Variants in MUC5AC observed in about 807,000 individuals in gnomAD.
MUC5AC encodes mucin-5AC.
MUC5AC carries 158 observed loss-of-function variants against 169.7 expected under a neutral mutation model. That is an observed-to-expected ratio of 0.93 (90% CI 0.82 to 1.06). MUC5AC has a LOEUF of 1.06. Among genes scored for constraint, MUC5AC ranks in the 50% least tolerant of loss-of-function variants. The pLI, the probability that MUC5AC is intolerant of heterozygous loss-of-function variation, is 0.00. For missense variants in MUC5AC, 4,359 were observed against 3,089.9 expected (o/e 1.41, Z -9.74); for synonymous variants, 1,975 against 1,237.0 (o/e 1.60, Z -12.52).
At chr11:1,177,728 C>G in intron 24 of MUC5AC, 95 bp downstream of exon 24, 1 of 397,204 alleles carries the variant, frequency 2.5e-6, no homozygotes, top group East Asian at 3.6e-5. Context: ...CACAGAGACA[C>G]AGAGAGAAAC....
chr11:1,186,729 T>G lies in MUC5AC; in HGVS notation c.8584T>G (p.Ser2862Ala). 2 of 729,558 alleles carry G rather than the reference T, an allele frequency of 2.7e-6. No individual in the cohort carries two copies. The highest frequency in any genetic ancestry group is 3.7e-5 in the Admixed American group (2 of 53,424). 45.2% of individuals were successfully genotyped at this position (729,558 alleles called of 1,614,324 possible). Residue 2862 changes from serine (S) to alanine (A), a missense_variant, in exon 31 of 49, where the codon TCT becomes GCT. Coordinates refer to ENST00000621226, the MANE Select transcript of MUC5AC (RefSeq NM_001304359.2). Reference protein sequence around the residue: ...TTSAPTTRTTSVPTSSTTSTA... With the variant: ...TTSAPTTRTTAVPTSSTTSTA... ...CTCTGCCCCTACAACCAGAACAACC[T>G]CTGTCCCTACAAGCAGCACAACCTC...
Position 1,194,774 on chromosome 11 carries a change from C to T in MUC5AC, c.15190+104C>T, listed in dbSNP as rs569647145. The T allele has an allele frequency of 9.2e-5, 58 of 631,864 alleles. No individual in the cohort carries two copies. The South Asian group carries it at 1.1e-3, about 12-fold the overall frequency. 39.1% of individuals were successfully genotyped at this position (631,864 alleles called of 1,614,324 possible). ...CCGCGTGTGCCGGTGTCTCTGCTTT[C>T]TGGCTGCTCTGCTGAGTGCAGGCCA... On this transcript the variant is annotated intron_variant, in intron 35 of 48. Transcript: ENST00000621226.
At chr11:1,171,348 CA>C in intron 15 of MUC5AC, among the ~76,000 whole-genome samples, 1 of 140,208 alleles carries the variant, frequency 7.1e-6, no homozygotes, top group Non-Finnish European at 1.5e-5. Flanking sequence ...CGCATTCACT[CA>C]CTCACTCACC....
rs539241490 is a variant in MUC5AC, at chr11:1,164,150, C to T, written c.834C>T (p.Cys278=). The T allele has an allele frequency of 7.1e-5, 115 of 1,612,396 alleles. No individual in the cohort carries two copies. The highest frequency in any genetic ancestry group is 4.0e-4 in the South Asian group (36 of 91,088). Residue 278 remains cysteine (C), a synonymous_variant, in exon 8 of 49, where the codon TGC becomes TGT. Coordinates refer to ENST00000621226, the MANE Select transcript of MUC5AC (RefSeq NM_001304359.2). ...TGCACGGCCAGCTGTTCTCTGGCTG[C>T]GTGGCCCTGGTGGACGTCGGCAGCT... ...ELLHGQLFSG[C]VALVDVGSYL...
chr11:1,194,915 GT>G (rs1861222318), intron 35 of MUC5AC, 96 bp from the exon 36 acceptor site: 1 of 638,138 alleles, frequency 1.6e-6, no homozygotes, highest in African/African-American at 1.8e-5. Context: ...AGTTCACCAA[GT>G]TGTGACCCTG....
Position 1,186,477 on chromosome 11 carries a change from A to G in MUC5AC, c.8332A>G (p.Thr2778Ala). 4 of 696,420 alleles carry G rather than the reference A, an allele frequency of 5.7e-6. No homozygotes were observed. The highest frequency in any genetic ancestry group is 1.0e-5 in the Non-Finnish European group (4 of 381,546). 43.1% of individuals were successfully genotyped at this position (696,420 alleles called of 1,614,324 possible). A position where few individuals can be genotyped will look rare whatever the true frequency, so the allele number is the denominator to read the frequency against. The change falls in exon 31 of 49, where the codon ACC becomes GCC. Residue 2778 changes from threonine to alanine, a missense_variant. Physicochemically the swap from Thr to Ala is moderately conservative, Grantham distance 58. Coordinates refer to ENST00000621226, the MANE Select transcript of MUC5AC (RefSeq NM_001304359.2). ...TTTSTTSATT[T>A]STISAPTTST... ...AACCAGCACAACCTCTGCTACTACA[A>G]CCAGCACAATCTCTGCCCCTACAAC... is the stretch of plus-strand genomic sequence containing the variant.
chr11:1,191,019 G>T lies in MUC5AC; in HGVS notation c.12874G>T (p.Gly4292Cys), dbSNP rs1470143594. The T allele has an allele frequency of 1.5e-5, 11 of 756,324 alleles. No homozygotes were observed. Among genetic ancestry groups the T allele is most frequent in the Admixed American group, 1.4e-4 (8 of 57,842 alleles). 46.9% of individuals were successfully genotyped at this position (756,324 alleles called of 1,614,324 possible). A position where few individuals can be genotyped will look rare whatever the true frequency, so the allele number is the denominator to read the frequency against. Residue 4292 changes from glycine to cysteine, a missense_variant, in exon 31 of 49, where the codon GGT (glycine) becomes TGT (cysteine). Coordinates refer to ENST00000621226, the MANE Select transcript of MUC5AC (RefSeq NM_001304359.2). ...TGCTCCTACAAGCAGCATGACCTCTGGTCCTGGAACTACTCCCAGCCCTGT... is the reference window on the plus strand; with the variant it reads ...TGCTCCTACAAGCAGCATGACCTCTTGTCCTGGAACTACTCCCAGCCCTGT... ...TSAPTSSMTS[G>C]PGTTPSPVPT... is the part of the protein sequence containing the mutation.
At position 1,187,522 on chromosome 11, in the gene MUC5AC, C is replaced by G. The variant is rs1554928253; in HGVS notation, c.9377C>G (p.Pro3126Arg). 2.7e-6 allele frequency: 2 copies of G among 746,604 alleles called. No homozygotes were observed. Among genetic ancestry groups the G allele is most frequent in the Non-Finnish European group, 4.9e-6 (2 of 408,964 alleles). 46.2% of individuals were successfully genotyped at this position (746,604 alleles called of 1,614,324 possible). A position where few individuals can be genotyped will look rare whatever the true frequency, so the allele number is the denominator to read the frequency against. ...TCTGGTCTTGGAACTACTCCCAGCC[C>G]TATTCCTACCACCAGCACAACCTCT... Reference protein sequence around the residue: ...KTSGLGTTPSPIPTTSTTSPP... With the variant: ...KTSGLGTTPSRIPTTSTTSPP... Residue 3126 changes from proline (P) to arginine (R), a missense_variant, in exon 31 of 49, where the codon CCT becomes CGT. Pro to Arg is a moderately radical substitution (Grantham distance 103). Transcript: ENST00000621226.
At position 1,182,386 on chromosome 11, in the gene MUC5AC, G is replaced by A. The variant is rs879075073; in HGVS notation, c.4241G>A (p.Arg1414His). The A allele has an allele frequency of 2.3e-5, 9 of 398,472 alleles. No homozygotes were observed. Among genetic ancestry groups the A allele is most frequent in the African/African-American group, 1.0e-4 (5 of 48,634 alleles). 24.7% of individuals were successfully genotyped at this position (398,472 alleles called of 1,614,324 possible). A position where few individuals can be genotyped will look rare whatever the true frequency, so the allele number is the denominator to read the frequency against. ...SGDFDTLENL[R>H]AHGYRVCESP... ...GACTTCGACACACTGGAGAACCTCCGCGCCCATGGGTACCGGGTGTGCGAA... is the reference window on the plus strand; with the variant it reads ...GACTTCGACACACTGGAGAACCTCCACGCCCATGGGTACCGGGTGTGCGAA... The change falls in exon 31 of 49, where the codon CGC (arginine) becomes CAC (histidine). Residue 1414 changes from arginine to histidine, a missense_variant. By Grantham distance (29) the Arg-to-His change is conservative (BLOSUM62 0). Coordinates refer to ENST00000621226, the MANE Select transcript of MUC5AC (RefSeq NM_001304359.2).
intron 40 of MUC5AC, 63 bp from the exon 41 acceptor site, chr11:1,197,405 G>A: frequency 4.4e-6 from 3 of 688,016 alleles, no homozygotes; most frequent in Non-Finnish European, 8.0e-6. Flanking sequence ...ATGAGCCGGG[G>A]TGGCTGCTGC....
At position 1,195,967 on chromosome 11, in the gene MUC5AC, G is replaced by C. The variant is rs1057508669; in HGVS notation, c.15550G>C (p.Val5184Leu). 1 of 764,904 alleles carries C rather than the reference G, an allele frequency of 1.3e-6. No homozygotes were observed. Among genetic ancestry groups the C allele is most frequent in the Non-Finnish European group, 2.4e-6 (1 of 417,824 alleles). 47.4% of individuals were successfully genotyped at this position (764,904 alleles called of 1,614,324 possible). ...DRCHMTDLDV[V>L]CSSLELYAAL... ...GTGCCACATGACGGACCTGGATGTG[G>C]TGTGCTCCAGCCTGGAGCTGTACGC... Residue 5184 changes from valine to leucine, a missense_variant, in exon 37 of 49, where the codon GTG becomes CTG. Coordinates refer to ENST00000621226, the MANE Select transcript of MUC5AC (RefSeq NM_001304359.2).
At position 1,200,809 on chromosome 11, in the gene MUC5AC, T is replaced by A. The variant is rs568823086; in HGVS notation, c.*107T>A. On this transcript the variant is annotated 3_prime_UTR_variant, in exon 49 of 49. Transcript: ENST00000621226. ...TGCCCCTGTCCAGGCGGCTGCAGCTTTGAACACACTGTCCACGCCCGCTTT... is the reference window on the plus strand; with the variant it reads ...TGCCCCTGTCCAGGCGGCTGCAGCTATGAACACACTGTCCACGCCCGCTTT... 1 of 657,574 alleles carries A rather than the reference T, an allele frequency of 1.5e-6. No individual in the cohort carries two copies. Among genetic ancestry groups the A allele is most frequent in the South Asian group, 1.8e-5 (1 of 57,090 alleles). 40.7% of individuals were successfully genotyped at this position (657,574 alleles called of 1,614,324 possible). A position where few individuals can be genotyped will look rare whatever the true frequency, so the allele number is the denominator to read the frequency against.
intron 19 of MUC5AC, 76 bp downstream of exon 19, chr11:1,175,346 G>A: frequency 2.5e-6 from 1 of 398,560 alleles, no homozygotes; most frequent in Non-Finnish European, 4.4e-6. Context: ...TGGCTTCAGG[G>A]TTAGCCCCAC....
At chr11:1,165,460 T>C (rs772628469) in intron 10 of MUC5AC, 41 bp downstream of exon 10, 113 of 1,600,552 alleles carry the variant, frequency 7.1e-5, no homozygotes, top group Non-Finnish European at 6.2e-5. Flanking sequence ...GGATGTGCTA[T>C]GGGACAGACC....
intron 41 of MUC5AC, 90 bp downstream of exon 41, chr11:1,197,729 G>A (rs1476631878): frequency 1.7e-5 from 11 of 634,938 alleles, no homozygotes; most frequent in Non-Finnish European, 2.3e-5. Flanking sequence ...CTTGGGGCGT[G>A]CACCTGGGGA....
chr11:1,160,535 A>T lies in MUC5AC; in HGVS notation c.74-77A>T, dbSNP rs1035198074. 1.4e-5 allele frequency: 18 copies of T among 1,292,782 alleles called. No individual in the cohort carries two copies. In the African/African-American group the frequency reaches 2.5e-4, roughly 18 times the overall value. 80.1% of individuals were successfully genotyped at this position (1,292,782 alleles called of 1,614,324 possible). ...GTGGCCTCCCGTCCCTCTGGTGTCC[A>T]TGCTGCATCTGTGGCCGCAGCCTGA... On this transcript the variant is annotated intron_variant, in intron 1 of 48. Coordinates refer to ENST00000621226, the MANE Select transcript of MUC5AC (RefSeq NM_001304359.2).
At position 1,192,899 on chromosome 11, in the gene MUC5AC, C is replaced by A. The variant is rs1288536813; in HGVS notation, c.14497C>A (p.Pro4833Thr). ...DSDCPSTTLP[P>T]APATSPSIST... ...TGACTGTCCGTCCACCACGCTGCCT[C>A]CTGCCCCAGCCACGTCCCCTTCAAT... Residue 4833 changes from proline to threonine, a missense_variant, in exon 32 of 49, where the codon CCT becomes ACT. Coordinates refer to ENST00000621226, the MANE Select transcript of MUC5AC (RefSeq NM_001304359.2). The A allele has an allele frequency of 1.3e-6, 1 of 764,036 alleles. No homozygotes were observed. Among genetic ancestry groups the A allele is most frequent in the Admixed American group, 1.7e-5 (1 of 58,838 alleles). The allele number at this position is 764,036 out of a possible 1,614,324, so 47.3% of individuals were successfully genotyped here. A position where few individuals can be genotyped will look rare whatever the true frequency, so the allele number is the denominator to read the frequency against.
rs73395699 is a variant in MUC5AC at position 1,192,308 on chromosome 11, C to T, written c.14163C>T (p.Arg4721=). The T allele has an allele frequency of 9.4e-4, 719 of 765,068 alleles. 6 individuals carry two copies. The African/African-American group carries it at 9.5e-3, about 10-fold the overall frequency. The allele number at this position is 765,068 out of a possible 1,614,324, so 47.4% of individuals were successfully genotyped here. ...PFKMCLNYEV[R]VLCCETPRGC... ...AGATGTGCCTCAACTACGAGGTGCG[C>T]GTGCTCTGCTGCGAGACCCCCAGAG... Residue 4721 remains arginine, a synonymous_variant, in exon 31 of 49, where the codon CGC becomes CGT. Coordinates refer to ENST00000621226, the MANE Select transcript of MUC5AC (RefSeq NM_001304359.2).
At chr11:1,158,251 G>A (rs1564903867) in intron 1 of MUC5AC, among the ~76,000 whole-genome samples, 179 bp downstream of exon 1, 1 of 152,242 alleles carries the variant, frequency 6.6e-6, no homozygotes, top group Non-Finnish European at 1.5e-5. Context: ...TTGTGGGGTT[G>A]GGAAGGGATC....
Sources: allele counts gnomAD v4.1 joint callset (sites outside exome capture counted in the v4.1 genomes callset), GRCh38; gene constraint gnomAD v4.1.1; transcripts MANE v1.5; gene names NCBI Gene and HGNC (gene_info 2026-07-23, HGNC 2026-07-21).